The following BBX variants were observed in gnomAD, a reference collection of about 807,000 sequenced individuals.
BBX encodes the protein BBX high mobility group box domain containing, also known as HMG box transcription factor BBX.
Under a neutral mutation model 100.2 loss-of-function variants are expected in BBX, and 30 were observed. That is an observed-to-expected ratio of 0.30 (90% confidence interval 0.22 to 0.41). The LOEUF (loss-of-function observed/expected upper bound fraction) is 0.41, where lower values mean the gene tolerates loss of function less well. Ranked by LOEUF, BBX falls within the 10% of genes least tolerant of loss-of-function variation. The pLI, the probability that BBX is intolerant of heterozygous loss-of-function variation, is 1.00. For synonymous variants in BBX, 376 were observed against 388.1 expected, an observed-to-expected ratio of 0.97 and a Z score of 0.37; for missense variants, 1,023 against 1,129.8, an observed-to-expected ratio of 0.91 and a Z score of 1.35.
intron 17 of BBX, among the ~76,000 whole-genome samples, chr3:107,801,688 G>A (rs893392461): frequency 1.2e-4 from 18 of 152,056 alleles, no homozygotes; most frequent in Admixed American, 5.9e-4. Context: ...ACAGGGGCAG[G>A]TGGCACTCAT....
chr3:107,752,049 C>G (rs138391050), intron 9 of BBX, among the ~76,000 whole-genome samples: 263 of 152,348 alleles, frequency 1.7e-3, no homozygotes, highest in Non-Finnish European at 2.8e-3. Flanking sequence ...TCCACATATT[C>G]TCTGATCTGC....
At chr3:107,622,755 A>G (rs2055873162) in intron 2 of BBX, among the ~76,000 whole-genome samples, 1 of 152,236 alleles carries the variant, frequency 6.6e-6, no homozygotes, top group East Asian at 1.9e-4. Flanking sequence ...GGACATTTTA[A>G]TTGTTATGAG....
chr3:107,711,050 C>T (rs1215625987), intron 4 of BBX, among the ~76,000 whole-genome samples: 2 of 152,226 alleles, frequency 1.3e-5, no homozygotes, highest in Non-Finnish European at 2.9e-5. Flanking sequence ...CTTCTGGCTG[C>T]ACTTGCCCCC....
intron 5 of BBX, among the ~76,000 whole-genome samples, chr3:107,718,879 G>A (rs561519106): frequency 1.6e-4 from 24 of 152,094 alleles, no homozygotes; most frequent in Admixed American, 1.2e-3. Context: ...AGGAAATGTT[G>A]CCTCATTTCT....
intron 7 of BBX, among the ~76,000 whole-genome samples, chr3:107,742,535 T>C (rs535763458): frequency 6.6e-6 from 1 of 152,314 alleles, no homozygotes; most frequent in Admixed American, 6.5e-5. Flanking sequence ...AGAGAGGACA[T>C]GGTCCACTAG....
chr3:107,542,554 A>G lies in BBX; in HGVS notation c.-84+16156A>G, dbSNP rs188726185. Among the ~76,000 whole-genome samples the G allele has an allele frequency of 5.7e-4, 87 of 152,360 alleles. 1 individual carries two copies. Among genetic ancestry groups the G allele is most frequent in the South Asian group, 1.7e-3 (8 of 4,826 alleles). ...GAATATGAAAACAAAAGTCCTAAAG[A>G]CAGTTCAGCAGAGTTCCTCTTCACC... is the stretch of plus-strand genomic sequence containing the variant. On this transcript the variant is annotated intron_variant, in intron 2 of 17. Transcript: ENST00000325805.
chr3:107,575,620 G>A lies in BBX; in HGVS notation c.-84+49222G>A, dbSNP rs1437715091. ...GCATTTTATCTGCTCATTTATTTTG[G>A]CATTTAGCTTTAGAGAAGTATAGTT... is the stretch of plus-strand genomic sequence containing the variant. On this transcript the variant is annotated intron_variant, in intron 2 of 17. Transcript: ENST00000325805. Among the ~76,000 whole-genome samples the A allele has an allele frequency of 2.0e-5, 3 of 151,990 alleles. No individual in the cohort carries two copies. The East Asian group carries it at 5.8e-4, about 29-fold the overall frequency.
At position 107,772,918 on chromosome 3, in the gene BBX, A is replaced by G. The variant is rs1221984629; in HGVS notation, c.1197A>G (p.Glu399=). 6.4e-7 allele frequency: 1 copy of G among 1,572,084 alleles called. No homozygotes were observed. Among genetic ancestry groups the G allele is most frequent in the African/African-American group, 1.3e-5 (1 of 74,490 alleles). The change falls in exon 11 of 18, where the codon GAA becomes GAG. Residue 399 remains glutamate (E), a synonymous_variant. Transcript: ENST00000325805. ...PKEIRKEELE[E]DHKCSHFPDF... ...AAATTAGAAAGGAAGAGTTAGAAGA[A>G]GATCACAAATGTAGTCATTTTCCTG...
chr3:107,726,494 ACAT>A (rs1381725012), intron 5 of BBX, among the ~76,000 whole-genome samples: 1 of 152,002 alleles, frequency 6.6e-6, no homozygotes, highest in East Asian at 1.9e-4. Context: ...GTGGTTTTGA[ACAT>A]CTACATTGAG....
intron 15 of BBX, among the ~76,000 whole-genome samples, chr3:107,793,854 T>A (rs188163438): frequency 6.6e-6 from 1 of 152,286 alleles, no homozygotes; most frequent in Admixed American, 6.5e-5. Flanking sequence ...CTTGCAATCT[T>A]TCTTTTTTTT....
intron 4 of BBX, 42 bp downstream of exon 4, chr3:107,710,664 G>A (rs1373526968): frequency 4.0e-6 from 6 of 1,498,826 alleles, no homozygotes; most frequent in Non-Finnish European, 5.4e-6. Flanking sequence ...GTTTATTAGA[G>A]CAAATCATAA....
chr3:107,695,162 A>AT (rs2060495742), intron 3 of BBX, among the ~76,000 whole-genome samples: 2 of 120,562 alleles, frequency 1.7e-5, no homozygotes, highest in Admixed American at 1.7e-4. Flanking sequence ...GGATTCATTA[A>AT]TTTTTTGAAG....
intron 6 of BBX, 117 bp downstream of exon 6, chr3:107,729,077 C>A: frequency 1.0e-6 from 1 of 1,001,994 alleles, no homozygotes; most frequent in Non-Finnish European, 1.5e-6. Context: ...TAAGCAGTGG[C>A]AAAGATATAG....
At chr3:107,764,879 A>C (rs1302363832) in intron 10 of BBX, among the ~76,000 whole-genome samples, 1 of 152,210 alleles carries the variant, frequency 6.6e-6, no homozygotes, top group Admixed American at 6.5e-5. Context: ...CTGTGTGCAC[A>C]TCCATGCATA....
chr3:107,802,131 A>G (rs1377183682), intron 17 of BBX, among the ~76,000 whole-genome samples: 1 of 152,210 alleles, frequency 6.6e-6, no homozygotes, highest in Non-Finnish European at 1.5e-5. Flanking sequence ...TTATATTCCT[A>G]TTCAAAGTGG....
intron 3 of BBX, among the ~76,000 whole-genome samples, chr3:107,660,571 A>T (rs1047213841): frequency 4.0e-5 from 6 of 150,550 alleles, no homozygotes; most frequent in African/African-American, 1.5e-4. Context: ...AGGGCAGAGC[A>T]GTACTGTACT....
At chr3:107,596,322 C>A (rs2053664413) in intron 2 of BBX, among the ~76,000 whole-genome samples, 1 of 151,974 alleles carries the variant, frequency 6.6e-6, no homozygotes, top group Non-Finnish European at 1.5e-5. Context: ...AGGAGCCTGA[C>A]CAAAAAGGGG....
intron 7 of BBX, among the ~76,000 whole-genome samples, chr3:107,734,877 T>C (rs762557116): frequency 2.0e-5 from 3 of 152,114 alleles, no homozygotes; most frequent in Non-Finnish European, 4.4e-5. Context: ...ACCCTTTATC[T>C]CTGAAGTGGA....
intron 2 of BBX, among the ~76,000 whole-genome samples, chr3:107,573,748 T>C (rs2051555923): frequency 6.6e-6 from 1 of 152,100 alleles, no homozygotes; most frequent in South Asian, 2.1e-4. Flanking sequence ...TTTTTTGAGG[T>C]AAGGTTTCGC....
Sources: gnomAD v4.1 joint callset for allele counts (sites outside exome capture counted in the v4.1 genomes callset) on GRCh38, gnomAD v4.1.1 for gene constraint, MANE v1.5 for transcripts, NCBI Gene and HGNC (gene_info 2026-07-23, HGNC 2026-07-21) for gene names.